Variants in LRRD1 observed in about 807,000 individuals in gnomAD.
The protein encoded by LRRD1 is leucine rich repeats and death domain containing 1, also known as leucine-rich repeat and death domain-containing protein 1.
A neutral mutation model predicts 69.5 loss-of-function variants in LRRD1; 49 were observed. The ratio of observed to expected loss-of-function variants is 0.70; its 90% CI spans 0.56 to 0.89. LRRD1 has a LOEUF of 0.89. Among genes scored for constraint, LRRD1 ranks in the 40% least tolerant of loss-of-function variants. LRRD1 has a pLI of 0.00. For synonymous variants in LRRD1, 303 were observed against 338.9 expected, an observed-to-expected ratio of 0.89 and a Z score of 1.16; for missense variants, 853 against 956.0, an observed-to-expected ratio of 0.89 and a Z score of 1.42.
chr7:92,161,435 A>G (rs1284527266), intron 2 of LRRD1, among the ~76,000 whole-genome samples: 5 of 152,276 alleles, frequency 3.3e-5, no homozygotes, highest in Non-Finnish European at 5.9e-5. Flanking sequence ...CAGATACGCA[A>G]TTTGGATTCC....
chr7:92,142,904 G>A (rs1206588832), downstream of LRRD1: 3 of 339,884 alleles, frequency 8.8e-6, no homozygotes, highest in East Asian at 8.1e-5. Flanking sequence ...TTATTGCAAA[G>A]AGCGAAAGAA....
At chr7:92,170,251 T>C (rs1789023989) in intron 1 of LRRD1, among the ~76,000 whole-genome samples, 1 of 152,086 alleles carries the variant, frequency 6.6e-6, no homozygotes, top group Non-Finnish European at 1.5e-5. Flanking sequence ...TACAAAAAAT[T>C]ACCTCAAAGT....
chr7:92,145,541 G>A (rs1820301303), intron 5 of LRRD1, among the ~76,000 whole-genome samples: 1 of 148,282 alleles, frequency 6.7e-6, no homozygotes, highest in African/African-American at 2.5e-5. Context: ...CCGGGTTCAC[G>A]CCATTCTCCT....
chr7:92,176,186 T>C (rs1266616791), intron 1 of LRRD1, among the ~76,000 whole-genome samples: 1 of 152,232 alleles, frequency 6.6e-6, no homozygotes, highest in Non-Finnish European at 1.5e-5. Context: ...GGGAAAGAAG[T>C]GATATACCCA....
chr7:92,163,738 G>A lies in LRRD1; in HGVS notation c.1465C>T (p.Leu489Phe). The A allele has an allele frequency of 6.6e-7, 1 of 1,509,962 alleles. No individual in the cohort carries two copies. The highest frequency in any genetic ancestry group is 8.8e-7 in the Non-Finnish European group (1 of 1,131,646). 93.5% of individuals were successfully genotyped at this position (1,509,962 alleles called of 1,614,324 possible). A position where few individuals can be genotyped will look rare whatever the true frequency, so the allele number is the denominator to read the frequency against. The change falls in exon 2 of 6, where the codon CTT becomes TTT. Residue 489 changes from leucine to phenylalanine, a missense_variant. Transcript: ENST00000458448. Reference sequence around the variant, plus strand: ...TTTCCATTAACACTCAAATAATAAAGAGAATCTAAAGCACACAGTCCCAAT... The same window carrying A: ...TTTCCATTAACACTCAAATAATAAAAAGAATCTAAAGCACACAGTCCCAAT... Reference protein sequence around the residue: ...FPLGLCALDSLYYLSVNGNYI... With the variant: ...FPLGLCALDSFYYLSVNGNYI...
At chr7:92,152,140 A>AGAGTGTGTGTGT (rs1554481774) in intron 3 of LRRD1, among the ~76,000 whole-genome samples, 7 of 142,832 alleles carry the variant, frequency 4.9e-5, no homozygotes, top group Non-Finnish European at 1.1e-4. Flanking sequence ...TGCTTCTGGG[A>AGAGTGTGTGTGT]GTGTGTGTGT....
intron 4 of LRRD1, among the ~76,000 whole-genome samples, chr7:92,149,271 C>T (rs1486162178): frequency 6.6e-6 from 1 of 152,184 alleles, no homozygotes; most frequent in Non-Finnish European, 1.5e-5. Flanking sequence ...TTAGTACAAG[C>T]TCCTGATTAT....
Position 92,164,217 on chromosome 7 carries a change from T to C in LRRD1, c.986A>G (p.Glu329Gly), listed in dbSNP as rs1394575631. Reference sequence around the variant, plus strand: ...CTTATTGTGATCCATTAAAAGTGTTTCTAAATTTTTAAGCTCTCTAATTTC... The same window carrying C: ...CTTATTGTGATCCATTAAAAGTGTTCCTAAATTTTTAAGCTCTCTAATTTC... ...PKEIRELKNL[E>G]TLLMDHNKLT... is the part of the protein sequence containing the mutation. Residue 329 changes from glutamate to glycine, a missense_variant, in exon 2 of 6, where the codon GAA becomes GGA. By Grantham distance (98) the Glu-to-Gly change is moderately conservative (BLOSUM62 -2). Coordinates refer to ENST00000458448, the MANE Select transcript of LRRD1 (RefSeq NM_001161528.2). 2 of 1,549,456 alleles carry C rather than the reference T, an allele frequency of 1.3e-6. No homozygotes were observed. The highest frequency in any genetic ancestry group is 4.0e-5 in the Admixed American group (2 of 50,522).
At chr7:92,166,715 T>C (rs1433878180) in intron 1 of LRRD1, among the ~76,000 whole-genome samples, 2 of 152,246 alleles carry the variant, frequency 1.3e-5, no homozygotes, top group African/African-American at 4.8e-5. Context: ...GATGTAGAAG[T>C]ACTTGATAAG....
At chr7:92,163,138 C>T (rs1349776606) in intron 2 of LRRD1, 148 bp downstream of exon 2, 12 of 431,960 alleles carry the variant, frequency 2.8e-5, no homozygotes, top group African/African-American at 4.1e-5. Context: ...CCATGTTTGG[C>T]GGGGACGGGG....
intron 1 of LRRD1, among the ~76,000 whole-genome samples, chr7:92,169,930 C>T (rs935091141): frequency 5.3e-5 from 8 of 151,668 alleles, no homozygotes; most frequent in South Asian, 2.1e-4. Flanking sequence ...ATTAGCCAGG[C>T]GTGGTGATGT....
At chr7:92,144,715 G>T, downstream of LRRD1, 1 of 356,930 alleles carries the variant, frequency 2.8e-6, no homozygotes, top group Non-Finnish European at 5.0e-6. Context: ...AACAGTGTCT[G>T]TAATGTTTTA....
intron 1 of LRRD1, among the ~76,000 whole-genome samples, chr7:92,171,759 A>G (rs947543604): frequency 6.6e-6 from 1 of 152,256 alleles, no homozygotes; most frequent in Non-Finnish European, 1.5e-5. Context: ...TAGATGCAGA[A>G]ATCCTCAACG....
In LRRD1 at chr7:92,175,071, C is replaced by CA. The variant is rs201430939; in HGVS notation, c.-75+3935dup. Among the ~76,000 whole-genome samples the CA allele has an allele frequency of 8.3e-4, 126 of 151,612 alleles. 1 individual carries two copies. In the East Asian group the frequency reaches 0.019, roughly 23 times the overall value. On this transcript the variant is annotated intron_variant, in intron 1 of 5. Transcript: ENST00000458448. ...CAAGAGTGAAATTCCATCTCAAAAA[C>CA]AAAAACAAAACACAAAACACAAAAA...
chr7:92,145,327 G>T (rs1174047730), intron 5 of LRRD1, among the ~76,000 whole-genome samples: 6 of 151,096 alleles, frequency 4.0e-5, no homozygotes, highest in Non-Finnish European at 5.9e-5. Flanking sequence ...CCCATCCCTT[G>T]TACCCTTATA....
At chr7:92,167,123 A>T (rs1403497811) in intron 1 of LRRD1, among the ~76,000 whole-genome samples, 5 of 149,250 alleles carry the variant, frequency 3.4e-5, no homozygotes, top group African/African-American at 1.2e-4. Flanking sequence ...TTGTGGGGAC[A>T]GTCTTCTCTG....
chr7:92,146,511 G>A (rs1820327069), intron 4 of LRRD1, among the ~76,000 whole-genome samples: 7 of 152,060 alleles, frequency 4.6e-5, no homozygotes, highest in Admixed American at 4.6e-4. Flanking sequence ...CAGCTACTCG[G>A]GAGGCTGAGG....
rs1044720662 is a variant in LRRD1, at chr7:92,179,080, G to A, written c.-148C>T. ...GCGCGCGCGGTTGAGTCCAGCAATT[G>A]CGAGGACCTCCGCAGGCGCAGCCCA... On this transcript the variant is annotated 5_prime_UTR_variant, in exon 1 of 6. Coordinates refer to ENST00000458448, the MANE Select transcript of LRRD1 (RefSeq NM_001161528.2). The A allele has an allele frequency of 1.3e-5, 2 of 152,270 alleles. No homozygotes were observed. The highest frequency in any genetic ancestry group is 4.8e-5 in the African/African-American group (2 of 41,464). The allele number at this position is 152,270 out of a possible 1,614,324, so 9.4% of individuals were successfully genotyped here. A position where few individuals can be genotyped will look rare whatever the true frequency, so the allele number is the denominator to read the frequency against.
chr7:92,151,715 G>A (rs1280664300), intron 3 of LRRD1, among the ~76,000 whole-genome samples: 14 of 152,018 alleles, frequency 9.2e-5, no homozygotes, highest in African/African-American at 2.7e-4. Flanking sequence ...TTGGGAGGCC[G>A]AGGTGGGTGG....
Sources: allele counts gnomAD v4.1 joint callset (sites outside exome capture counted in the v4.1 genomes callset), GRCh38; gene constraint gnomAD v4.1.1; transcripts MANE v1.5; gene names NCBI Gene and HGNC (gene_info 2026-07-23, HGNC 2026-07-21).